The following CCDC120 variants were observed in gnomAD, a reference collection of about 807,000 sequenced individuals.
CCDC120 encodes the protein coiled-coil domain-containing protein 120.
CCDC120 carries 16 observed loss-of-function variants against 37.6 expected under a neutral mutation model. That is an observed-to-expected ratio of 0.43 (90% CI 0.29 to 0.65). CCDC120 has a LOEUF of 0.65. CCDC120 is among the 30% of genes least tolerant of loss of function. CCDC120 has a pLI of 0.18. For missense variants in CCDC120, 650 were observed against 657.4 expected (o/e 0.99, Z 0.12); for synonymous variants, 309 against 275.4 (o/e 1.12, Z -1.21).
upstream of CCDC120, among the ~76,000 whole-genome samples, chrX:49,058,343 T>G (rs2064845644): frequency 8.9e-6 from 1 of 112,870 alleles, no homozygotes; most frequent in Non-Finnish European, 1.9e-5. Context: ...TGACTTCCTC[T>G]GTCCCCAACT....
chrX:49,062,133 G>T (rs1557079596), intron 2 of CCDC120, 29 bp downstream of exon 2: 1 of 1,162,211 alleles, frequency 8.6e-7, no homozygotes. Context: ...TGGGGCCCAG[G>T]TTACCCCTTA....
chrX:49,064,072 G>T, intron 5 of CCDC120, 71 bp downstream of exon 5: 1 of 1,100,369 alleles, frequency 9.1e-7, no homozygotes, highest in Non-Finnish European at 1.2e-6. Context: ...CCAGGAGGAA[G>T]GTGTGGGGAG....
At position 49,067,997 on chromosome X, in the gene CCDC120, G is replaced by A. The variant is rs201793746; in HGVS notation, c.1883G>A (p.Arg628His). 3.3e-3 allele frequency: 3,821 copies of A among 1,159,875 alleles called. 9 individuals are homozygous for A. Among genetic ancestry groups the A allele is most frequent in the Non-Finnish European group, 4.1e-3 (3,550 of 868,190 alleles). The change falls in exon 10 of 11, where the codon CGC becomes CAC. Residue 628 changes from arginine to histidine, a missense_variant. By Grantham distance (29) the Arg-to-His change is conservative (BLOSUM62 0). Transcript: ENST00000603986. ...GPPHPPFLHA[R>H]CYEVGQALYG... Reference sequence around the variant, plus strand: ...CCACACCCACCCTTCCTCCATGCCCGCTGCTATGAGGTGGGCCAGGCGCTG... The same window carrying A: ...CCACACCCACCCTTCCTCCATGCCCACTGCTATGAGGTGGGCCAGGCGCTG...
chrX:49,065,547 G>A lies in CCDC120; in HGVS notation c.881G>A (p.Arg294Gln), dbSNP rs781838355. ...GCAGTATCTGGGGGGAGCCCTGAGC[G>A]GCGAACCCCATGGAAACCACCTCCA... is the stretch of plus-strand genomic sequence containing the variant. ...LRAVSGGSPE[R>Q]RTPWKPPPSD... is the part of the protein sequence containing the mutation. The change falls in exon 8 of 11, where the codon CGG (arginine) becomes CAG (glutamine). Residue 294 changes from arginine (R) to glutamine (Q), a missense_variant. Coordinates refer to ENST00000603986, the MANE Select transcript of CCDC120 (RefSeq NM_001163321.4). 30 of 1,209,658 alleles carry A rather than the reference G, an allele frequency of 2.5e-5. No homozygotes were observed. Among genetic ancestry groups the A allele is most frequent in the Admixed American group, 1.7e-4 (8 of 45,715 alleles).
rs1557081980 is a variant in CCDC120, at chrX:49,067,864, A to G, written c.1750A>G (p.Ser584Gly). The G allele has an allele frequency of 1.1e-6, 1 of 910,103 alleles. No homozygotes were observed. The highest frequency in any genetic ancestry group is 1.5e-6 in the Non-Finnish European group (1 of 668,567). 75.0% of individuals were successfully genotyped at this position (910,103 alleles called of 1,213,427 possible). The change falls in exon 10 of 11, where the codon AGT (serine) becomes GGT (glycine). Residue 584 changes from serine (S) to glycine (G), a missense_variant. Physicochemically the swap from Ser to Gly is moderately conservative, Grantham distance 56. Coordinates refer to ENST00000603986, the MANE Select transcript of CCDC120 (RefSeq NM_001163321.4). ...CCGTATCCCCTCGGCTGGTGAACGC[A>G]GTGGCCACAAGAACCTGGCTCTGGA... ...PTRIPSAGER[S>G]GHKNLALEGL...
chrX:49,063,792 G>C lies in CCDC120; in HGVS notation c.289-69G>C, dbSNP rs966149613. On this transcript the variant is annotated intron_variant, in intron 4 of 10. Coordinates refer to ENST00000603986, the MANE Select transcript of CCDC120 (RefSeq NM_001163321.4). ...CCTGGTAGGACTTCTGTAGCTTCTGGGATCATTAATGCTTCACCCCATCCT... is the reference window on the plus strand; with the variant it reads ...CCTGGTAGGACTTCTGTAGCTTCTGCGATCATTAATGCTTCACCCCATCCT... 6.4e-6 allele frequency: 7 copies of C among 1,098,527 alleles called. No individual in the cohort carries two copies. In the African/African-American group the frequency reaches 1.1e-4, roughly 18 times the overall value. The allele number at this position is 1,098,527 out of a possible 1,213,427, so 90.5% of individuals were successfully genotyped here. A position where few individuals can be genotyped will look rare whatever the true frequency, so the allele number is the denominator to read the frequency against.
chrX:49,065,391 CCT>C, intron 7 of CCDC120, 61 bp from the exon 8 acceptor site: 1 of 1,078,268 alleles, frequency 9.3e-7, no homozygotes. Flanking sequence ...TGCCCCCCAG[CCT>C]GTCCTGCCCC....
rs781806432 is a variant in CCDC120, at chrX:49,067,605, G to C, written c.1491G>C (p.Trp497Cys). 20 of 1,183,982 alleles carry C rather than the reference G, an allele frequency of 1.7e-5. No individual in the cohort carries two copies. The highest frequency in any genetic ancestry group is 2.4e-4 in the Middle Eastern group (1 of 4,225). Reference protein sequence around the residue: ...GLPRSGGGTGWGELPPAAEVP... With the variant: ...GLPRSGGGTGCGELPPAAEVP... ...CCCGCAGTGGCGGTGGAACAGGCTG[G>C]GGGGAGCTGCCGCCTGCAGCTGAGG... is the stretch of plus-strand genomic sequence containing the variant. Residue 497 changes from tryptophan to cysteine, a missense_variant, in exon 10 of 11, where the codon TGG becomes TGC. Around this residue, in one of 3 missense-constraint regions of CCDC120, gnomAD observed 576 missense variants for 565.3 expected, o/e 1.02. Coordinates refer to ENST00000603986, the MANE Select transcript of CCDC120 (RefSeq NM_001163321.4).
Position 49,068,051 on chromosome X carries a change from C to G in CCDC120, c.1937C>G (p.Pro646Arg). 8.6e-7 allele frequency: 1 copy of G among 1,167,103 alleles called. No homozygotes were observed. Among genetic ancestry groups the G allele is most frequent in the Non-Finnish European group, 1.1e-6 (1 of 872,813 alleles). Reference sequence around the variant, plus strand: ...GGGGCCCCCAGCCAGGCGCCACTCCCACACTCGAGGAGTTTCACGGCGCCC... The same window carrying G: ...GGGGCCCCCAGCCAGGCGCCACTCCGACACTCGAGGAGTTTCACGGCGCCC... ...LYGAPSQAPLPHSRSFTAPPV... is the reference protein window; with the variant it reads ...LYGAPSQAPLRHSRSFTAPPV... The change falls in exon 10 of 11, where the codon CCA becomes CGA. Residue 646 changes from proline to arginine, a missense_variant. Pro to Arg is a moderately radical substitution (Grantham distance 103, BLOSUM62 -2). This residue lies in a region of CCDC120 where 576 missense variants were observed against 565.3 expected (regional missense o/e 1.02). Transcript: ENST00000603986.
Position 49,062,071 on chromosome X carries a change from A to C in CCDC120, c.30A>C (p.Gln10His). 2 of 1,156,975 alleles carry C rather than the reference A, an allele frequency of 1.7e-6. No homozygotes were observed. The highest frequency in any genetic ancestry group is 2.3e-6 in the Non-Finnish European group (2 of 872,981). Residue 10 changes from glutamine (Q) to histidine (H), a missense_variant, in exon 2 of 11, where the codon CAA becomes CAC. This residue lies in a region of CCDC120 where 64 missense variants were observed against 65.2 expected (regional missense o/e 0.98). Coordinates refer to ENST00000603986, the MANE Select transcript of CCDC120 (RefSeq NM_001163321.4). MRREPRYQG[Q>H]VGPDIHTDSE... ...GAAGGGAACCAAGGTACCAGGGCCAAGTGGGTCCAGACATCCACACGGATT... is the reference window on the plus strand; with the variant it reads ...GAAGGGAACCAAGGTACCAGGGCCACGTGGGTCCAGACATCCACACGGATT...
intron 9 of CCDC120, 75 bp downstream of exon 9, chrX:49,065,920 A>C: frequency 1.0e-6 from 1 of 962,447 alleles, no homozygotes; most frequent in Non-Finnish European, 1.4e-6. Context: ...GCTTGAGGAC[A>C]ACATTATCAA....
At position 49,063,941 on chromosome X, in the gene CCDC120, A is replaced by G; in HGVS notation, c.369A>G (p.Thr123=). Residue 123 remains threonine (T), a synonymous_variant, in exon 5 of 11, where the codon ACA becomes ACG. Transcript: ENST00000603986. ...RPQLVRRRPP[T]ARAYPPPHPN... The stretch of plus-strand genomic sequence containing the variant: ...AGTTGGTCCGCCGGCGGCCCCCCAC[A>G]GCCCGCGCCTACCCTCCACCGCACC... The G allele has an allele frequency of 6.6e-6, 8 of 1,208,108 alleles. No homozygotes were observed. The highest frequency in any genetic ancestry group is 8.9e-6 in the Non-Finnish European group (8 of 893,974).
upstream of CCDC120, among the ~76,000 whole-genome samples, chrX:49,055,767 T>C (rs1384497661): frequency 8.9e-6 from 1 of 111,914 alleles, no homozygotes; most frequent in Non-Finnish European, 1.9e-5. Context: ...AGACCTATCT[T>C]ATCCTGAAAA....
rs782127716 is a variant in CCDC120 at position 49,064,470 on chromosome X, A to AGCGCCG, written c.542_547dup (p.Arg181_Arg182dup). On this transcript the variant is annotated inframe_insertion, in exon 6 of 11. Coordinates refer to ENST00000603986, the MANE Select transcript of CCDC120 (RefSeq NM_001163321.4). ...TTGGCCCCTGATCTGAGCACCGAGC[A>AGCGCCG]GCGCCGGCGCCGGCGCCAGGTCCAG... 4 of 1,179,830 alleles carry AGCGCCG rather than the reference A, an allele frequency of 3.4e-6. No homozygotes were observed. Among genetic ancestry groups the AGCGCCG allele is most frequent in the Non-Finnish European group, 4.5e-6 (4 of 880,734 alleles).
Position 49,064,369 on chromosome X carries a change from G to A in CCDC120, c.430-1G>A, listed in dbSNP as rs2064925631. ...TTCCAACATTTGGGTGGGCCCAACA[G>A]GAGCTGGCTCTTGAGGCCCTGGAAC... is the stretch of plus-strand genomic sequence containing the variant. On this transcript the variant is annotated splice_acceptor_variant, in intron 5 of 10. Transcript: ENST00000603986. LOFTEE classifies it high-confidence loss of function. 8.6e-7 allele frequency: 1 copy of A among 1,161,010 alleles called. No individual in the cohort carries two copies. The highest frequency in any genetic ancestry group is 1.1e-6 in the Non-Finnish European group (1 of 870,420).
upstream of CCDC120, among the ~76,000 whole-genome samples, chrX:49,056,399 C>T (rs993639779): frequency 1.2e-4 from 13 of 110,022 alleles, no homozygotes; most frequent in African/African-American, 3.0e-4. Flanking sequence ...GAGGCTGAGG[C>T]GGGTGGATCA....
At chrX:49,059,200 G>A (rs1339214390) in intron 1 of CCDC120, 105 bp downstream of exon 1, 1 of 194,103 alleles carries the variant, frequency 5.2e-6, no homozygotes, top group African/African-American at 3.2e-5. Flanking sequence ...CTAGGTCTGT[G>A]GGAGAGGCAC....
At chrX:49,060,753 G>C (rs1179485643) in intron 1 of CCDC120, among the ~76,000 whole-genome samples, 2 of 111,854 alleles carry the variant, frequency 1.8e-5, no homozygotes, top group Non-Finnish European at 3.8e-5. Flanking sequence ...GGGCACCACT[G>C]CTTCAAGAGA....
Position 49,068,587 on chromosome X carries a change from TTAAG to T in CCDC120, c.2022_2025del (p.Ser675ThrfsTer2), listed in dbSNP as rs1569523138. The T allele has an allele frequency of 1.7e-6, 2 of 1,156,684 alleles. No individual in the cohort carries two copies. The highest frequency in any genetic ancestry group is 2.3e-6 in the Non-Finnish European group (2 of 867,503). Reference sequence around the variant, plus strand: ...GTATCCCCCGGAGCTGAGCGCTCGTTTAAGTGACCTGACGCTAGAGGGGGAGCAG... The same window carrying T: ...GTATCCCCCGGAGCTGAGCGCTCGTTTGACCTGACGCTAGAGGGGGAGCAG... On this transcript the variant is annotated frameshift_variant, in exon 11 of 11. Transcript: ENST00000603986. LOFTEE classifies it high-confidence loss of function.
Sources: allele counts gnomAD v4.1 joint callset (sites outside exome capture counted in the v4.1 genomes callset), GRCh38; gene constraint gnomAD v4.1.1; regional missense constraint gnomAD v4.1.1; transcripts MANE v1.5; gene names NCBI Gene and HGNC (gene_info 2026-07-23, HGNC 2026-07-21).